GPHN: variants seen among roughly 807,000 people sequenced by gnomAD.
GPHN encodes gephyrin.
In GPHN, 17 loss-of-function variants were observed where a neutral mutation model predicts 95.5. That is an observed-to-expected ratio of 0.18 (90% CI 0.12 to 0.27). The LOEUF (loss-of-function observed/expected upper bound fraction) is 0.27. GPHN is among the 10% of genes least tolerant of loss of function. The pLI is 1.00. For synonymous variants in GPHN, 320 were observed against 322.5 expected (o/e 0.99, Z 0.08); for missense variants, 660 against 978.1 (o/e 0.67, Z 4.34).
intron 8 of GPHN, among the ~76,000 whole-genome samples, chr14:66,931,790 G>C (rs2066813042): frequency 6.6e-6 from 1 of 152,126 alleles, no homozygotes; most frequent in Non-Finnish European, 1.5e-5. Flanking sequence ...ATTTTGTTGA[G>C]CTTCCTCAAA....
chr14:66,831,002 T>G (rs1418440828), intron 4 of GPHN, among the ~76,000 whole-genome samples: 1 of 152,094 alleles, frequency 6.6e-6, no homozygotes, highest in Non-Finnish European at 1.5e-5. Flanking sequence ...CTTTCTTATA[T>G]TGTAATGCTT....
intron 18 of GPHN, among the ~76,000 whole-genome samples, chr14:67,154,909 G>A (rs17781232): frequency 0.019 from 2,930 of 151,872 alleles, 37 homozygotes; most frequent in Middle Eastern, 0.034. Context: ...CCAGGATTCC[G>A]GGCACTAAGA....
chr14:67,360,504 G>T, the GPHN span: 1 of 318,648 alleles, frequency 3.1e-6, no homozygotes. Flanking sequence ...TTTGGTTTGT[G>T]TCCAGTGACA....
At chr14:67,147,935 C>A (rs760018047) in intron 18 of GPHN, among the ~76,000 whole-genome samples, 1 of 151,934 alleles carries the variant, frequency 6.6e-6, no homozygotes. Flanking sequence ...TGAAAACAAA[C>A]CTGGGATTTT....
At chr14:67,230,588 T>C in the GPHN span, among the ~76,000 whole-genome samples, 1 of 151,864 alleles carries the variant, frequency 6.6e-6, no homozygotes, top group Admixed American at 6.6e-5. Context: ...AAAAAAGATA[T>C]ATGATCAAAT....
intron 1 of GPHN, among the ~76,000 whole-genome samples, chr14:66,585,052 G>A (rs548392339): frequency 2.0e-5 from 3 of 152,216 alleles, no homozygotes; most frequent in Non-Finnish European, 4.4e-5. Context: ...ATTAATTATT[G>A]CCTCAGTTTC....
At chr14:66,992,170 A>G (rs928183527) in intron 9 of GPHN, among the ~76,000 whole-genome samples, 5 of 152,172 alleles carry the variant, frequency 3.3e-5, no homozygotes, top group Non-Finnish European at 7.4e-5. Context: ...CTATTCAGCT[A>G]CAAATATGTG....
rs1183818543 is a variant in GPHN at position 66,714,705 on chromosome 14, A to G, written c.143+33520A>G. On this transcript the variant is annotated intron_variant, in intron 2 of 22. Coordinates refer to ENST00000478722, the MANE Select transcript of GPHN (RefSeq NM_020806.5). ...TCATAAAAGTTGCTGGATTTTGTCA[A>G]ATGCTTTTTTTGCATCTATTGAGAT... is the stretch of plus-strand genomic sequence containing the variant. 2.6e-5 allele frequency among the ~76,000 whole-genome samples: 4 copies of G among 152,242 alleles called. No homozygotes were observed. The East Asian group carries it at 7.7e-4, about 29-fold the overall frequency.
downstream of GPHN, among the ~76,000 whole-genome samples, chr14:67,185,609 T>A (rs1215744244): frequency 6.6e-6 from 1 of 152,196 alleles, no homozygotes; most frequent in African/African-American, 2.4e-5. Context: ...GCAGTTCCTT[T>A]TAACCAGATT....
the GPHN span, among the ~76,000 whole-genome samples, chr14:67,253,468 G>C: frequency 6.6e-6 from 1 of 152,174 alleles, no homozygotes; most frequent in African/African-American, 2.4e-5. Context: ...AGCTTTATCA[G>C]CTTCTCTATT....
chr14:66,813,046 C>G (rs1245315257), intron 3 of GPHN, among the ~76,000 whole-genome samples: 1 of 152,184 alleles, frequency 6.6e-6, no homozygotes, highest in African/African-American at 2.4e-5. Context: ...AAACTACCCT[C>G]ACTGACAGTC....
chr14:67,245,175 G>A, the GPHN span, among the ~76,000 whole-genome samples: 1 of 152,286 alleles, frequency 6.6e-6, no homozygotes, highest in African/African-American at 2.4e-5. Context: ...GTTGTTTTAA[G>A]CCACTAAATT....
intron 4 of GPHN, among the ~76,000 whole-genome samples, chr14:66,857,584 AG>A (rs2062852685): frequency 6.6e-6 from 1 of 152,198 alleles, no homozygotes; most frequent in African/African-American, 2.4e-5. Context: ...AGAGATAAAG[AG>A]GGAGTAAAGC....
the GPHN span, chr14:67,189,557 G>C: frequency 6.6e-6 from 1 of 152,168 alleles, no homozygotes; most frequent in Non-Finnish European, 1.5e-5. Context: ...ATCTATTTCA[G>C]CCCCACCTGT....
intron 2 of GPHN, among the ~76,000 whole-genome samples, chr14:66,685,227 T>G (rs1566815968): frequency 6.6e-6 from 1 of 152,214 alleles, no homozygotes; most frequent in South Asian, 2.1e-4. Flanking sequence ...CCATGTGTCT[T>G]TATAGCAGCA....
rs2058385809 is a variant in GPHN, at chr14:66,519,509, C to T, written c.64+10918C>T. Among the ~76,000 whole-genome samples, 4 of 151,994 alleles carry T rather than the reference C, an allele frequency of 2.6e-5. No homozygotes were observed. The South Asian group carries it at 8.3e-4, about 31-fold the overall frequency. On this transcript the variant is annotated intron_variant, in intron 1 of 22. Coordinates refer to ENST00000478722, the MANE Select transcript of GPHN (RefSeq NM_020806.5). ...TAAAAAAAGATATTTCATATAAAATCCATATTTTTTTTGCTTCTTAAGATT... is the reference window on the plus strand; with the variant it reads ...TAAAAAAAGATATTTCATATAAAATTCATATTTTTTTTGCTTCTTAAGATT...
the GPHN span, chr14:67,562,916 G>A: frequency 5.6e-6 from 9 of 1,603,106 alleles, no homozygotes; most frequent in Middle Eastern, 5.0e-4. Context: ...CCTCCGGGCT[G>A]GGCAGAGGAG....
At chr14:66,833,277 CA>C (rs1279925969) in intron 4 of GPHN, among the ~76,000 whole-genome samples, 1 of 152,116 alleles carries the variant, frequency 6.6e-6, no homozygotes, top group Non-Finnish European at 1.5e-5. Flanking sequence ...TACAGAGCAA[CA>C]GGGGGAAAAG....
rs142295441 is a variant in GPHN, at chr14:66,560,881, T to A, written c.64+52290T>A. On this transcript the variant is annotated intron_variant, in intron 1 of 22. Coordinates refer to ENST00000478722, the MANE Select transcript of GPHN (RefSeq NM_020806.5). ...CGGTATGATATCAGCTGTGGGTTTG[T>A]CATAGATAGCTCTTATTATTTTGAA... Among the ~76,000 whole-genome samples, 10 of 152,328 alleles carry A rather than the reference T, an allele frequency of 6.6e-5. No homozygotes were observed. The East Asian group carries it at 1.9e-3, about 29-fold the overall frequency.
Sources: allele counts gnomAD v4.1 joint callset (sites outside exome capture counted in the v4.1 genomes callset), GRCh38; gene constraint gnomAD v4.1.1; transcripts MANE v1.5; gene names NCBI Gene and HGNC (gene_info 2026-07-23, HGNC 2026-07-21).